Variants in RTTN observed in about 807,000 individuals in gnomAD.
RTTN encodes the protein rotatin.
Under a neutral mutation model 269.2 loss-of-function variants are expected in RTTN, and 182 were observed. The observed-to-expected ratio is 0.68, with a 90% CI of 0.60 to 0.76. The LOEUF (loss-of-function observed/expected upper bound fraction) is 0.76, where lower values mean the gene tolerates loss of function less well. Among genes scored for constraint, RTTN ranks in the 30% least tolerant of loss-of-function variants. The pLI is 0.00. For missense variants in RTTN, 2,545 were observed against 2,608.6 expected, an observed-to-expected ratio of 0.98 and a Z score of 0.53; for synonymous variants, 1,006 against 963.5, an observed-to-expected ratio of 1.04 and a Z score of -0.82.
rs567206259 is a variant in RTTN, at chr18:70,014,786, T to C, written c.6421+2621A>G. ...GAGGTCCAGCTTAATACAAGCAGGA[T>C]AGCCAGTAAGAATCCCCACTTTGGG... On this transcript the variant is annotated intron_variant, in intron 46 of 48. Transcript: ENST00000640769. Among the ~76,000 whole-genome samples the C allele has an allele frequency of 8.3e-4, 126 of 152,216 alleles. 3 individuals carry two copies. Among genetic ancestry groups the C allele is most frequent in the African/African-American group, 2.9e-3 (121 of 41,562 alleles).
chr18:70,032,082 T>C lies in RTTN; in HGVS notation c.5542-1101A>G, dbSNP rs548375339. On this transcript the variant is annotated intron_variant, in intron 40 of 48. Coordinates refer to ENST00000640769, the MANE Select transcript of RTTN (RefSeq NM_173630.4). ...CTGGGGCAGAGCCCAGAGAGTTTGG[T>C]ATGGGAGTGTCTATAGCGGAGCATG... Among the ~76,000 whole-genome samples the C allele has an allele frequency of 2.0e-5, 3 of 152,324 alleles. No individual in the cohort carries two copies. In the South Asian group the frequency reaches 6.2e-4, roughly 32 times the overall value.
Position 70,201,906 on chromosome 18 carries a change from G to A in RTTN, c.475C>T (p.Pro159Ser), listed in dbSNP as rs1370576383. Reference sequence around the variant, plus strand: ...GACATATACACACCCACTGGTCGTGGCGGCACTTCCATCTGCTGGAAATTA... The same window carrying A: ...GACATATACACACCCACTGGTCGTGACGGCACTTCCATCTGCTGGAAATTA... ...KSNFQQMEVP[P>S]RPVVNQTVKC... Residue 159 changes from proline to serine, a missense_variant, in exon 4 of 49, where the codon CCA becomes TCA. Physicochemically the swap from Pro to Ser is moderately conservative, Grantham distance 74 (BLOSUM62 -1). Transcript: ENST00000640769. 1.2e-6 allele frequency: 2 copies of A among 1,607,150 alleles called. No homozygotes were observed. The highest frequency in any genetic ancestry group is 1.7e-6 in the Non-Finnish European group (2 of 1,174,156).
Position 70,141,300 on chromosome 18 carries a change from T to C in RTTN, c.2581+988A>G, listed in dbSNP as rs567024604. Among the ~76,000 whole-genome samples the C allele has an allele frequency of 1.8e-3, 267 of 152,250 alleles. 1 individual carries two copies. Among genetic ancestry groups the C allele is most frequent in the Non-Finnish European group, 1.9e-3 (130 of 68,016 alleles). On this transcript the variant is annotated intron_variant, in intron 19 of 48. Coordinates refer to ENST00000640769, the MANE Select transcript of RTTN (RefSeq NM_173630.4). ...CATTTCTCATAAATATTAAAGTACA[T>C]ACATCACGTATGGGGAAAAATTCAA...
Position 70,201,976 on chromosome 18 carries a change from T to G in RTTN, c.405A>C (p.Ser135=). ...ASYQTNQTEL[S]KNPEILTGYF... ...ATCCTGTTAAGATTTCAGGGTTTTTTGACAATTCTGAAAAGGAAATAAACA... is the reference window on the plus strand; with the variant it reads ...ATCCTGTTAAGATTTCAGGGTTTTTGGACAATTCTGAAAAGGAAATAAACA... The change falls in exon 4 of 49, where the codon TCA becomes TCC. Residue 135 remains serine (S), a synonymous_variant. Transcript: ENST00000640769. 1.9e-6 allele frequency: 3 copies of G among 1,585,386 alleles called. No individual in the cohort carries two copies. Among genetic ancestry groups the G allele is most frequent in the Non-Finnish European group, 2.6e-6 (3 of 1,154,894 alleles).
intron 27 of RTTN, among the ~76,000 whole-genome samples, chr18:70,111,900 C>T (rs1451959618): frequency 6.6e-6 from 1 of 152,096 alleles, no homozygotes; most frequent in East Asian, 1.9e-4. Flanking sequence ...TAAGGGCAGC[C>T]AGAGAGAAAG....
chr18:70,204,392 C>G, intron 2 of RTTN, 129 bp from the exon 3 acceptor site: 1 of 845,116 alleles, frequency 1.2e-6, no homozygotes, highest in Non-Finnish European at 1.8e-6. Context: ...CTTCATGGCT[C>G]TGCCCCGAAG....
intron 14 of RTTN, among the ~76,000 whole-genome samples, chr18:70,160,358 A>C (rs1014365125): frequency 3.8e-4 from 22 of 57,928 alleles, no homozygotes; most frequent in African/African-American, 5.8e-4. Flanking sequence ...ACAGACACAG[A>C]AAAGGCTTTT....
At chr18:70,108,848 T>C (rs993660877) in intron 28 of RTTN, among the ~76,000 whole-genome samples, 1 of 107,116 alleles carries the variant, frequency 9.3e-6, no homozygotes, top group South Asian at 4.5e-4. Flanking sequence ...TTCCTTAACT[T>C]GATCTTTCTT....
chr18:70,187,806 A>G (rs1412752598), intron 10 of RTTN, among the ~76,000 whole-genome samples: 2 of 152,272 alleles, frequency 1.3e-5, no homozygotes, highest in Admixed American at 6.5e-5. Context: ...ATAGCAATAA[A>G]CTCACGATCT....
chr18:70,061,311 C>T, intron 35 of RTTN: 2 of 455,902 alleles, frequency 4.4e-6, no homozygotes, highest in South Asian at 1.5e-5. Flanking sequence ...CATTCCCTTA[C>T]TTTCTGGCAC....
At chr18:70,175,567 T>C (rs2061268907) in intron 11 of RTTN, among the ~76,000 whole-genome samples, 1 of 150,796 alleles carries the variant, frequency 6.6e-6, no homozygotes, top group African/African-American at 2.4e-5. Flanking sequence ...AAAATAAAAA[T>C]ATTAAGCAAT....
intron 32 of RTTN, among the ~76,000 whole-genome samples, chr18:70,079,818 A>G (rs1042981015): frequency 6.6e-6 from 1 of 152,178 alleles, no homozygotes; most frequent in Non-Finnish European, 1.5e-5. Flanking sequence ...AATAAATCAG[A>G]ATACTAATTT....
chr18:70,121,043 G>A (rs953245631), intron 26 of RTTN, among the ~76,000 whole-genome samples: 47 of 151,258 alleles, frequency 3.1e-4, no homozygotes, highest in Admixed American at 2.1e-3. Context: ...AGGGCGAGAC[G>A]CCGTCTCAAA....
chr18:70,076,350 T>A (rs530921609), intron 32 of RTTN, among the ~76,000 whole-genome samples: 1 of 152,004 alleles, frequency 6.6e-6, no homozygotes, highest in East Asian at 1.9e-4. Flanking sequence ...CAAACAGAAA[T>A]CTAAGAGCCA....
chr18:70,086,507 C>T, intron 32 of RTTN, 106 bp downstream of exon 32: 1 of 938,314 alleles, frequency 1.1e-6, no homozygotes. Context: ...CCCTTGCTGT[C>T]TTGTATATAG....
intron 40 of RTTN, among the ~76,000 whole-genome samples, chr18:70,040,146 TA>T (rs2057297580): frequency 6.6e-6 from 1 of 152,162 alleles, no homozygotes; most frequent in Non-Finnish European, 1.5e-5. Flanking sequence ...GTAAATGGAC[TA>T]TGGACTAAAC....
chr18:70,013,080 T>C (rs975900863), intron 46 of RTTN, among the ~76,000 whole-genome samples: 2 of 152,184 alleles, frequency 1.3e-5, no homozygotes, highest in African/African-American at 2.4e-5. Context: ...ATCTGCACTA[T>C]CTGATGCCCT....
intron 28 of RTTN, among the ~76,000 whole-genome samples, chr18:70,093,179 AAG>A (rs2058899359): frequency 6.6e-6 from 1 of 152,086 alleles, no homozygotes; most frequent in African/African-American, 2.4e-5. Context: ...CACTTGGCCT[AAG>A]TTACAGAGTG....
chr18:70,170,747 T>A (rs190511178), intron 11 of RTTN, among the ~76,000 whole-genome samples: 1 of 152,284 alleles, frequency 6.6e-6, no homozygotes, highest in Admixed American at 6.5e-5. Flanking sequence ...GATGGTAATG[T>A]GCAAAAGTGG....
Sources: allele counts gnomAD v4.1 joint callset (sites outside exome capture counted in the v4.1 genomes callset), GRCh38; gene constraint gnomAD v4.1.1; transcripts MANE v1.5; gene names NCBI Gene and HGNC (gene_info 2026-07-23, HGNC 2026-07-21).